The following AGMO variants were observed in gnomAD, a reference collection of about 807,000 sequenced individuals.
AGMO encodes glyceryl-ether monooxygenase.
A neutral mutation model predicts 60.2 loss-of-function variants in AGMO; 75 were observed. The observed-to-expected ratio is 1.25, with a 90% CI of 1.03 to 1.51. The LOEUF is 1.51. AGMO is among the 40% of genes most tolerant of loss of function. The pLI, the probability that AGMO is intolerant of heterozygous loss-of-function variation, is 0.00. For synonymous variants in AGMO, 261 were observed against 177.1 expected, an observed-to-expected ratio of 1.47 and a Z score of -3.76; for missense variants, 763 against 525.5, an observed-to-expected ratio of 1.45 and a Z score of -4.42.
chr7:15,143,704 T>C, the AGMO span, among the ~76,000 whole-genome samples: 1 of 150,966 alleles, frequency 6.6e-6, no homozygotes, highest in Non-Finnish European at 1.5e-5. Flanking sequence ...TTTTTTTTTT[T>C]ACTTGAAACA....
chr7:15,304,871 A>G (rs370168262), intron 12 of AGMO, among the ~76,000 whole-genome samples: 64 of 151,932 alleles, frequency 4.2e-4, no homozygotes, highest in Admixed American at 2.6e-4. Context: ...GTTACACACA[A>G]TGTTTAAGAA....
At chr7:15,194,875 C>A in the AGMO span, among the ~76,000 whole-genome samples, 1 of 152,104 alleles carries the variant, frequency 6.6e-6, no homozygotes, top group Non-Finnish European at 1.5e-5. Flanking sequence ...CCCCTTTAGG[C>A]TCCGATTGTC....
At chr7:15,275,574 G>A (rs1259715583) in intron 12 of AGMO, among the ~76,000 whole-genome samples, 1 of 152,100 alleles carries the variant, frequency 6.6e-6, no homozygotes, top group Non-Finnish European at 1.5e-5. Flanking sequence ...TTGCTCTACA[G>A]TCCCCTTTAA....
chr7:15,149,443 T>A, the AGMO span, among the ~76,000 whole-genome samples: 1 of 152,192 alleles, frequency 6.6e-6, no homozygotes, highest in South Asian at 2.1e-4. Context: ...GTTTATATAG[T>A]TGTAGGTCTT....
chr7:15,284,876 A>C (rs1784060789), intron 12 of AGMO, among the ~76,000 whole-genome samples: 1 of 152,032 alleles, frequency 6.6e-6, no homozygotes, highest in Non-Finnish European at 1.5e-5. Flanking sequence ...AAAGATAATA[A>C]ATCATGATCA....
chr7:15,483,395 T>C (rs993281468), intron 3 of AGMO, among the ~76,000 whole-genome samples: 7 of 143,078 alleles, frequency 4.9e-5, no homozygotes, highest in Non-Finnish European at 7.9e-5. Context: ...TGAAACCCCG[T>C]CTCTACTAAA....
At chr7:15,402,632 A>G (rs1269599552) in intron 5 of AGMO, among the ~76,000 whole-genome samples, 1 of 147,672 alleles carries the variant, frequency 6.8e-6, no homozygotes, top group African/African-American at 2.5e-5. Flanking sequence ...TAAATATATT[A>G]AATATAAATA....
chr7:15,552,035 T>C (rs1455073471), intron 2 of AGMO, among the ~76,000 whole-genome samples: 2 of 152,022 alleles, frequency 1.3e-5, no homozygotes, highest in South Asian at 2.1e-4. Flanking sequence ...AACTATCTGA[T>C]CTTTGACAAA....
At chr7:15,233,938 T>C (rs941685893) in intron 12 of AGMO, among the ~76,000 whole-genome samples, 4 of 152,062 alleles carry the variant, frequency 2.6e-5, no homozygotes, top group African/African-American at 9.7e-5. Flanking sequence ...TCCCAGCTAC[T>C]TGGGAGGCTG....
the AGMO span, among the ~76,000 whole-genome samples, chr7:15,170,844 G>C: frequency 1.3e-5 from 2 of 152,154 alleles, no homozygotes; most frequent in Admixed American, 1.3e-4. Context: ...GATAGTGTCT[G>C]AGACTTTCCT....
At chr7:15,276,241 C>G (rs1349661787) in intron 12 of AGMO, among the ~76,000 whole-genome samples, 1 of 152,136 alleles carries the variant, frequency 6.6e-6, no homozygotes, top group Non-Finnish European at 1.5e-5. Flanking sequence ...GACAAATACC[C>G]TTAGCATTTG....
chr7:15,418,951 A>G (rs1307975488), intron 4 of AGMO, among the ~76,000 whole-genome samples: 4 of 151,946 alleles, frequency 2.6e-5, no homozygotes, highest in Admixed American at 1.3e-4. Context: ...TTCTGGAATT[A>G]AAGGGATGTT....
At chr7:15,411,759 T>C (rs1226424920) in intron 5 of AGMO, among the ~76,000 whole-genome samples, 1 of 152,094 alleles carries the variant, frequency 6.6e-6, no homozygotes, top group Non-Finnish European at 1.5e-5. Context: ...AACATGTTTC[T>C]CTACAATCAT....
chr7:15,476,668 C>A (rs1379781849), intron 3 of AGMO, among the ~76,000 whole-genome samples: 2 of 152,112 alleles, frequency 1.3e-5, no homozygotes, highest in Non-Finnish European at 2.9e-5. Flanking sequence ...AAACAGTGAG[C>A]CCTTTTCCTT....
In AGMO at chr7:15,406,930, C is replaced by T. The variant is rs568428088; in HGVS notation, c.609+11628G>A. Among the ~76,000 whole-genome samples, 42 of 119,168 alleles carry T rather than the reference C, an allele frequency of 3.5e-4. 4 individuals carry two copies. Among genetic ancestry groups the T allele is most frequent in the Admixed American group, 6.1e-4 (7 of 11,550 alleles). 78.2% of individuals were successfully genotyped at this position (119,168 alleles called of 152,430 possible). ...GGCCCCTTTGTTTGGAATACACACG[C>T]GCACACACACACACACACACACGTA... is the stretch of plus-strand genomic sequence containing the variant. On this transcript the variant is annotated intron_variant, in intron 5 of 12. Coordinates refer to ENST00000342526, the MANE Select transcript of AGMO (RefSeq NM_001004320.2).
chr7:15,505,825 TTC>T (rs1272638538), intron 3 of AGMO, among the ~76,000 whole-genome samples: 1 of 152,064 alleles, frequency 6.6e-6, no homozygotes, highest in Non-Finnish European at 1.5e-5. Context: ...GACTCTGTAT[TTC>T]TGTTTTTAAG....
Position 15,508,324 on chromosome 7 carries a change from A to AC in AGMO, c.409+36447_409+36448insG, listed in dbSNP as rs1399692362. Among the ~76,000 whole-genome samples, 148 of 152,298 alleles carry AC rather than the reference A, an allele frequency of 9.7e-4. 1 individual carries two copies. Among genetic ancestry groups the AC allele is most frequent in the South Asian group, 1.9e-3 (9 of 4,828 alleles). On this transcript the variant is annotated intron_variant, in intron 3 of 12. Coordinates refer to ENST00000342526, the MANE Select transcript of AGMO (RefSeq NM_001004320.2). ...GCATTGTCTGGGATGTAGTAAAAACAATAACTTACATTCAGCTGCGATGAA... is the reference window on the plus strand; with the variant it reads ...GCATTGTCTGGGATGTAGTAAAAACACATAACTTACATTCAGCTGCGATGAA...
the AGMO span, among the ~76,000 whole-genome samples, chr7:15,168,533 T>C: frequency 1.3e-5 from 2 of 152,196 alleles, no homozygotes; most frequent in Non-Finnish European, 2.9e-5. Flanking sequence ...TGACCTTGAA[T>C]TCAAGAGCTT....
intron 12 of AGMO, among the ~76,000 whole-genome samples, chr7:15,343,061 C>T (rs949694828): frequency 6.6e-6 from 1 of 151,770 alleles, no homozygotes; most frequent in Non-Finnish European, 1.5e-5. Context: ...AAGTGGAAAA[C>T]CTTAAGAAAA....
Sources: allele counts gnomAD v4.1 joint callset (sites outside exome capture counted in the v4.1 genomes callset), GRCh38; gene constraint gnomAD v4.1.1; transcripts MANE v1.5; gene names NCBI Gene and HGNC (gene_info 2026-07-23, HGNC 2026-07-21).